DNER: variants seen among roughly 807,000 people sequenced by gnomAD.
DNER encodes the protein delta/notch like EGF repeat containing, also known as delta and Notch-like epidermal growth factor-related receptor.
In DNER, 33 loss-of-function variants were observed where a neutral mutation model predicts 78.2. The ratio of observed to expected loss-of-function variants is 0.42; its 90% CI spans 0.32 to 0.56. The LOEUF (loss-of-function observed/expected upper bound fraction) is 0.56. Among genes scored for constraint, DNER ranks in the 20% least tolerant of loss-of-function variants. DNER has a pLI of 0.11. For synonymous variants in DNER, 417 were observed against 384.8 expected, an observed-to-expected ratio of 1.08 and a Z score of -0.98; for missense variants, 918 against 975.3, an observed-to-expected ratio of 0.94 and a Z score of 0.78.
chr2:229,468,952 A>G (rs184952312), intron 7 of DNER, among the ~76,000 whole-genome samples: 1 of 152,296 alleles, frequency 6.6e-6, no homozygotes. Context: ...ATGAGATGAG[A>G]GCTCCTGCAC....
chr2:229,543,065 A>G (rs2154213106), intron 5 of DNER, among the ~76,000 whole-genome samples: 1 of 152,288 alleles, frequency 6.6e-6, no homozygotes, highest in East Asian at 1.9e-4. Context: ...ACTGGGAGGC[A>G]ACACGGAAGG....
At chr2:229,664,230 G>C (rs1699054226) in intron 1 of DNER, among the ~76,000 whole-genome samples, 3 of 152,168 alleles carry the variant, frequency 2.0e-5, no homozygotes, top group African/African-American at 7.2e-5. Flanking sequence ...TACACTGTAA[G>C]TAAGCAATTT....
Position 229,434,780 on chromosome 2 carries a change from T to C in DNER, c.1486+12536A>G, listed in dbSNP as rs566258630. ...TGAGGTAAGTAAAGAAGTTTTCTCC[T>C]AGACATTCCTTATCACTTGAGTAGG... On this transcript the variant is annotated intron_variant, in intron 8 of 12. Transcript: ENST00000341772. Among the ~76,000 whole-genome samples, 4 of 152,248 alleles carry C rather than the reference T, an allele frequency of 2.6e-5. No individual in the cohort carries two copies. The East Asian group carries it at 7.7e-4, about 29-fold the overall frequency.
chr2:229,548,672 C>T (rs901733747), intron 4 of DNER, among the ~76,000 whole-genome samples: 1 of 151,996 alleles, frequency 6.6e-6, no homozygotes, highest in African/African-American at 2.4e-5. Context: ...CAGCAAACCA[C>T]CAGGGCATGT....
chr2:229,492,950 C>T (rs372865620), intron 6 of DNER, among the ~76,000 whole-genome samples: 1 of 152,136 alleles, frequency 6.6e-6, no homozygotes, highest in African/African-American at 2.4e-5. Context: ...GGATTAGAGA[C>T]CTGAGCCACC....
intron 1 of DNER, among the ~76,000 whole-genome samples, chr2:229,666,395 C>T (rs961073920): frequency 6.6e-6 from 1 of 152,098 alleles, no homozygotes; most frequent in African/African-American, 2.4e-5. Flanking sequence ...AATATTTTAT[C>T]AGTAACCGAA....
At position 229,449,726 on chromosome 2, in the gene DNER, G is replaced by A. The variant is rs138719580; in HGVS notation, c.1262-2186C>T. The stretch of plus-strand genomic sequence containing the variant: ...AGTTTGCCCAAATCAGCAGCTCAAG[G>A]TGAATCAGAAAATCATAAATGTTAA... On this transcript the variant is annotated intron_variant, in intron 7 of 12. Transcript: ENST00000341772. Among the ~76,000 whole-genome samples, 18 of 152,236 alleles carry A rather than the reference G, an allele frequency of 1.2e-4. No homozygotes were observed. In the South Asian group the frequency reaches 2.3e-3, roughly 19 times the overall value.
intron 1 of DNER, among the ~76,000 whole-genome samples, chr2:229,667,428 T>C (rs1420279672): frequency 6.6e-6 from 1 of 152,184 alleles, no homozygotes; most frequent in Non-Finnish European, 1.5e-5. Context: ...CAAATGCCTT[T>C]GGGAAGGCCA....
chr2:229,377,932 ATC>A (rs1315897144), intron 11 of DNER, among the ~76,000 whole-genome samples: 1 of 152,212 alleles, frequency 6.6e-6, no homozygotes, highest in African/African-American at 2.4e-5. Flanking sequence ...TTAAATTGAG[ATC>A]TTGAGATGGA....
At chr2:229,559,375 T>A (rs573366897) in intron 4 of DNER, among the ~76,000 whole-genome samples, 15 of 152,140 alleles carry the variant, frequency 9.9e-5, no homozygotes, top group African/African-American at 3.6e-4. Flanking sequence ...ATATAAACAG[T>A]TTGACATAGA....
chr2:229,648,950 T>C (rs1043297882), intron 1 of DNER, among the ~76,000 whole-genome samples: 3 of 152,188 alleles, frequency 2.0e-5, no homozygotes, highest in African/African-American at 7.2e-5. Flanking sequence ...TTACAGTAGG[T>C]TTTTTCCTAC....
chr2:229,500,582 T>A (rs1373811659), intron 6 of DNER, among the ~76,000 whole-genome samples: 1 of 152,234 alleles, frequency 6.6e-6, no homozygotes, highest in Admixed American at 6.5e-5. Context: ...ATTTCCACTA[T>A]CATGTTCATT....
intron 1 of DNER, among the ~76,000 whole-genome samples, chr2:229,676,138 T>C (rs1180521929): frequency 6.6e-6 from 1 of 152,172 alleles, no homozygotes; most frequent in Non-Finnish European, 1.5e-5. Flanking sequence ...AGAAGGGAGC[T>C]AATGATTCTA....
chr2:229,483,259 A>C (rs987982110), intron 6 of DNER, among the ~76,000 whole-genome samples: 1 of 152,224 alleles, frequency 6.6e-6, no homozygotes, highest in East Asian at 1.9e-4. Context: ...CAAGAACCAC[A>C]GTTAGCTTAG....
intron 6 of DNER, 138 bp from the exon 7 acceptor site, chr2:229,477,391 CA>C: frequency 1.9e-6 from 1 of 533,494 alleles, no homozygotes; most frequent in Non-Finnish European, 3.3e-6. Context: ...TCCTAGATCT[CA>C]TTTATTTTTA....
At chr2:229,656,500 C>A (rs1315724554) in intron 1 of DNER, among the ~76,000 whole-genome samples, 1 of 152,122 alleles carries the variant, frequency 6.6e-6, no homozygotes, top group African/African-American at 2.4e-5. Flanking sequence ...TGAGCTCCAG[C>A]TCAGCCAACC....
At chr2:229,393,450 A>T (rs1693062685) in intron 10 of DNER, among the ~76,000 whole-genome samples, 2 of 152,066 alleles carry the variant, frequency 1.3e-5, no homozygotes, top group South Asian at 4.1e-4. Flanking sequence ...TAAAAATAAA[A>T]AAATAGTAGA....
At chr2:229,562,006 G>C (rs1288379060) in intron 4 of DNER, among the ~76,000 whole-genome samples, 1 of 152,132 alleles carries the variant, frequency 6.6e-6, no homozygotes, top group African/African-American at 2.4e-5. Flanking sequence ...TTTGCATCCA[G>C]AGATGGAACC....
At chr2:229,584,844 G>A (rs1278870037) in intron 4 of DNER, among the ~76,000 whole-genome samples, 18 of 145,294 alleles carry the variant, frequency 1.2e-4, no homozygotes, top group Non-Finnish European at 2.7e-4. Context: ...TGAGGCAGGG[G>A]AATTGCTTGA....
Sources: allele counts gnomAD v4.1 joint callset (sites outside exome capture counted in the v4.1 genomes callset), GRCh38; gene constraint gnomAD v4.1.1; transcripts MANE v1.5; gene names NCBI Gene and HGNC (gene_info 2026-07-23, HGNC 2026-07-21).